RAB5C: variants seen among roughly 807,000 people sequenced by gnomAD.
RAB5C encodes RAB5C, member RAS oncogene family.
RAB5C carries 4 observed loss-of-function variants against 25.2 expected under a neutral mutation model. That is an observed-to-expected ratio of 0.16 (90% confidence interval 0.08 to 0.36). The LOEUF is 0.36. Ranked by LOEUF, RAB5C falls within the 10% of genes least tolerant of loss-of-function variation. The probability of loss-of-function intolerance (pLI) is 1.00; values close to 1 mark genes in which losing one functional copy is unlikely to be tolerated. For synonymous variants in RAB5C, 100 were observed against 106.4 expected (o/e 0.94, Z 0.37); for missense variants, 199 against 283.8 (o/e 0.70, Z 2.15).
chr17:42,125,926 G>A, intron 5 of RAB5C, 28 bp from the exon 6 acceptor site: 3 of 1,517,864 alleles, frequency 2.0e-6, no homozygotes, highest in Non-Finnish European at 1.8e-6. Flanking sequence ...AAGTGCATTT[G>A]TTGGGGGTAC....
intron 1 of RAB5C, among the ~76,000 whole-genome samples, chr17:42,137,314 G>GAAAAAAAAAAAAAAAAAAAAAAAAA (rs1300048784): frequency 1.0e-5 from 1 of 98,606 alleles, no homozygotes. Context: ...TCAAAAAAAA[G>GAAAAAAAAAAAAAAAAAAAAAAAAA]AAAAAAAAAA....
intron 1 of RAB5C, among the ~76,000 whole-genome samples, chr17:42,152,358 CTCTCTCT>C (rs937416158): frequency 3.3e-5 from 5 of 152,148 alleles, no homozygotes; most frequent in African/African-American, 1.2e-4. Flanking sequence ...GGAGCCATCG[CTCTCTCT>C]GCCAGGCAGA....
Position 42,130,661 on chromosome 17 carries a change from AG to A in RAB5C, c.-88-72del, listed in dbSNP as rs1374101360. The A allele has an allele frequency of 4.8e-6, 7 of 1,448,122 alleles. No homozygotes were observed. The African/African-American group carries it at 9.9e-5, about 21-fold the overall frequency. 89.7% of individuals were successfully genotyped at this position (1,448,122 alleles called of 1,614,324 possible). A position where few individuals can be genotyped will look rare whatever the true frequency, so the allele number is the denominator to read the frequency against. On this transcript the variant is annotated intron_variant, in intron 1 of 5. Coordinates refer to ENST00000346213, the MANE Select transcript of RAB5C (RefSeq NM_004583.4). ...ACCCGCTGTGTCCTTCTTAAATTAC[AG>A]ATCTTTCCCTCTGGCCTCACTGAAG...
chr17:42,126,986 G>T, intron 4 of RAB5C, 138 bp from the exon 5 acceptor site: 1 of 517,712 alleles, frequency 1.9e-6, no homozygotes, highest in Non-Finnish European at 3.6e-6. Context: ...GAGTTTTCAG[G>T]CCTAAGGCTG....
chr17:42,151,416 G>A (rs189279159), intron 1 of RAB5C, among the ~76,000 whole-genome samples: 44 of 151,414 alleles, frequency 2.9e-4, no homozygotes, highest in African/African-American at 9.9e-4. Context: ...CAGCCTAGGC[G>A]ACAGAGCGAG....
intron 1 of RAB5C, among the ~76,000 whole-genome samples, chr17:42,143,764 TAAAAC>T (rs2079616180): frequency 6.6e-6 from 1 of 152,148 alleles, no homozygotes; most frequent in Admixed American, 6.5e-5. Context: ...TTTTGGGCAA[TAAAAC>T]AAAGTAACAT....
intron 1 of RAB5C, among the ~76,000 whole-genome samples, chr17:42,145,979 G>A (rs924337400): frequency 3.9e-5 from 6 of 151,998 alleles, no homozygotes; most frequent in African/African-American, 1.5e-4. Flanking sequence ...GCTAATTTTT[G>A]TATTTTTAAT....
chr17:42,142,640 A>G (rs2079609935), intron 1 of RAB5C, among the ~76,000 whole-genome samples: 1 of 152,222 alleles, frequency 6.6e-6, no homozygotes, highest in South Asian at 2.1e-4. Context: ...TGAAGGGGAC[A>G]TACATGGAGC....
At chr17:42,150,544 CAAAAAAAAAA>C (rs759878778) in intron 1 of RAB5C, among the ~76,000 whole-genome samples, 11 of 19,382 alleles carry the variant, frequency 5.7e-4, no homozygotes, top group African/African-American at 1.2e-3. Flanking sequence ...AACTCCATCT[CAAAAAAAAAA>C]AAAAAAAAAA....
rs1173472484 is a variant in RAB5C at position 42,154,987 on chromosome 17, T to G, written c.-183A>C. On this transcript the variant is annotated 5_prime_UTR_variant, in exon 1 of 6. Transcript: ENST00000346213. Reference sequence around the variant, plus strand: ...GGTGTCCCAGGCTCCGGCCTCCACTTCCGCCTTTCAGCCGCTCCGGATCCG... The same window carrying G: ...GGTGTCCCAGGCTCCGGCCTCCACTGCCGCCTTTCAGCCGCTCCGGATCCG... 1 of 152,274 alleles carries G rather than the reference T, an allele frequency of 6.6e-6. No homozygotes were observed. The highest frequency in any genetic ancestry group is 1.5e-5 in the Non-Finnish European group (1 of 68,060). 9.4% of individuals were successfully genotyped at this position (152,274 alleles called of 1,614,324 possible). A position where few individuals can be genotyped will look rare whatever the true frequency, so the allele number is the denominator to read the frequency against.
At chr17:42,152,368 C>G (rs1054976197) in intron 1 of RAB5C, among the ~76,000 whole-genome samples, 1 of 152,094 alleles carries the variant, frequency 6.6e-6, no homozygotes, top group African/African-American at 2.4e-5. Context: ...CTCTCTCTGC[C>G]AGGCAGAGTC....
Position 42,128,216 on chromosome 17 carries a change from G to A in RAB5C, c.441+45C>T, listed in dbSNP as rs758158415. 12 of 1,589,134 alleles carry A rather than the reference G, an allele frequency of 7.6e-6. No individual in the cohort carries two copies. The South Asian group carries it at 1.3e-4, about 17-fold the overall frequency. ...TGAGCATCCCAGGCGAGGCCGGGGGGAGCTGCTTACTCCACTCCTTCCCCC... is the reference window on the plus strand; with the variant it reads ...TGAGCATCCCAGGCGAGGCCGGGGGAAGCTGCTTACTCCACTCCTTCCCCC... On this transcript the variant is annotated intron_variant, in intron 4 of 5. Coordinates refer to ENST00000346213, the MANE Select transcript of RAB5C (RefSeq NM_004583.4).
intron 1 of RAB5C, among the ~76,000 whole-genome samples, chr17:42,152,773 T>C (rs991594421): frequency 6.8e-6 from 1 of 147,762 alleles, no homozygotes; most frequent in African/African-American, 2.5e-5. Context: ...AACAAGGCTC[T>C]GTCTCCAAAA....
intron 1 of RAB5C, among the ~76,000 whole-genome samples, chr17:42,135,735 C>T (rs988628997): frequency 6.6e-6 from 1 of 152,208 alleles, no homozygotes; most frequent in East Asian, 1.9e-4. Context: ...TTCACCTTTC[C>T]TCTAATCCAC....
chr17:42,134,097 T>G (rs1470555634), intron 1 of RAB5C, among the ~76,000 whole-genome samples: 1 of 151,936 alleles, frequency 6.6e-6, no homozygotes, highest in Non-Finnish European at 1.5e-5. Flanking sequence ...CCAATTTTGC[T>G]AGGAAGGGCG....
chr17:42,152,609 T>G (rs1015136751), intron 1 of RAB5C, among the ~76,000 whole-genome samples: 3 of 151,726 alleles, frequency 2.0e-5, no homozygotes, highest in African/African-American at 7.3e-5. Flanking sequence ...TGAGACCCCA[T>G]CTCTACTAAA....
intron 1 of RAB5C, among the ~76,000 whole-genome samples, chr17:42,142,583 G>A (rs1214022762): frequency 6.6e-6 from 1 of 152,182 alleles, no homozygotes; most frequent in African/African-American, 2.4e-5. Flanking sequence ...GGGTTAGAGA[G>A]GCCACCCACG....
At chr17:42,150,497 T>G (rs963950432) in intron 1 of RAB5C, among the ~76,000 whole-genome samples, 4 of 107,816 alleles carry the variant, frequency 3.7e-5, no homozygotes, top group Non-Finnish European at 6.9e-5. Flanking sequence ...TGAGCCAAGA[T>G]CACGCCATTG....
At chr17:42,142,545 A>G (rs1026376031) in intron 1 of RAB5C, among the ~76,000 whole-genome samples, 10 of 152,214 alleles carry the variant, frequency 6.6e-5, no homozygotes, top group African/African-American at 2.2e-4. Flanking sequence ...CAGCTCAGAG[A>G]GCAATCTGAT....
Sources: gnomAD v4.1 joint callset for allele counts (sites outside exome capture counted in the v4.1 genomes callset) on GRCh38, gnomAD v4.1.1 for gene constraint, MANE v1.5 for transcripts, NCBI Gene and HGNC (gene_info 2026-07-23, HGNC 2026-07-21) for gene names.